Variants in PAFAH1B2 observed in about 807,000 individuals in gnomAD.
PAFAH1B2 encodes platelet activating factor acetylhydrolase 1b catalytic subunit 2.
A neutral mutation model predicts 28.0 loss-of-function variants in PAFAH1B2; 8 were observed. The observed-to-expected ratio is 0.29, with a 90% CI of 0.17 to 0.52. PAFAH1B2 has a LOEUF of 0.52. PAFAH1B2 is among the 20% of genes least tolerant of loss of function. The probability of loss-of-function intolerance (pLI) is 0.97; values close to 1 mark genes in which losing one functional copy is unlikely to be tolerated. For missense variants in PAFAH1B2, 190 were observed against 282.6 expected (o/e 0.67, Z 2.35); for synonymous variants, 104 against 103.2 (o/e 1.01, Z -0.05).
downstream of PAFAH1B2, chr11:117,171,791 T>TA: frequency 6.9e-7 from 1 of 1,447,398 alleles, no homozygotes; most frequent in Non-Finnish European, 9.4e-7. Context: ...GCTAAAAGTT[T>TA]CTGTGATCTT....
chr11:117,151,041 A>G (rs1333001618), intron 1 of PAFAH1B2, among the ~76,000 whole-genome samples: 1 of 151,300 alleles, frequency 6.6e-6, no homozygotes, highest in Non-Finnish European at 1.5e-5. Context: ...AAAACCCCAG[A>G]TTTTTTTCCT....
chr11:117,157,754 C>T (rs905468553), intron 2 of PAFAH1B2, among the ~76,000 whole-genome samples: 1 of 151,966 alleles, frequency 6.6e-6, no homozygotes, highest in African/African-American at 2.4e-5. Context: ...AGTGAGACCC[C>T]ATCTTTGGGA....
rs1470650879 is a variant in PAFAH1B2, at chr11:117,163,722, T to TATTTA, written c.289-48_289-47insATTTA. 3.8e-6 allele frequency: 6 copies of TATTTA among 1,588,122 alleles called. No individual in the cohort carries two copies. In the African/African-American group the frequency reaches 5.4e-5, roughly 14 times the overall value. On this transcript the variant is annotated intron_variant, in intron 4 of 5. Coordinates refer to ENST00000527958, the MANE Select transcript of PAFAH1B2 (RefSeq NM_002572.4). ...CATCTAAATGTTGGACGTTCCTTTG[T>TATTTA]TCCTGGGTATTTATCTTCTCCTTCC...
At position 117,162,914 on chromosome 11, in the gene PAFAH1B2, ACTC is replaced by A. The variant is rs199541603; in HGVS notation, c.289-853_289-851del. 6.4e-3 allele frequency among the ~76,000 whole-genome samples: 967 copies of A among 151,824 alleles called. 6 individuals carry two copies. Among genetic ancestry groups the A allele is most frequent in the African/African-American group, 0.022 (906 of 41,380 alleles). The stretch of plus-strand genomic sequence containing the variant: ...GATCATGGCTTACTTGCAGTCTTGA[ACTC>A]CTGGGCTGAATCAATCTTCCCACCT... On this transcript the variant is annotated intron_variant, in intron 4 of 5. Transcript: ENST00000527958.
chr11:117,168,991 A>C lies in PAFAH1B2; in HGVS notation c.*1292A>C. Reference sequence around the variant, plus strand: ...TTTTTATTAGAGACGGGATTTCGCCATGTTAACCAGGCTGGTCTCGAACTC... The same window carrying C: ...TTTTTATTAGAGACGGGATTTCGCCCTGTTAACCAGGCTGGTCTCGAACTC... On this transcript the variant is annotated 3_prime_UTR_variant, in exon 6 of 6. Transcript: ENST00000527958. 2.7e-6 allele frequency: 1 copy of C among 370,044 alleles called. No homozygotes were observed. The highest frequency in any genetic ancestry group is 2.2e-5 in the African/African-American group (1 of 46,028). 22.9% of individuals were successfully genotyped at this position (370,044 alleles called of 1,614,324 possible).
intron 2 of PAFAH1B2, among the ~76,000 whole-genome samples, chr11:117,154,480 C>T (rs1956220068): frequency 6.6e-6 from 1 of 151,952 alleles, no homozygotes; most frequent in Non-Finnish European, 1.5e-5. Flanking sequence ...TGCAGTGGCA[C>T]CATTACAGCT....
At position 117,169,299 on chromosome 11, in the gene PAFAH1B2, A is replaced by T. The variant is rs1271611564; in HGVS notation, c.*1600A>T. On this transcript the variant is annotated 3_prime_UTR_variant, in exon 6 of 6. Coordinates refer to ENST00000527958, the MANE Select transcript of PAFAH1B2 (RefSeq NM_002572.4). ...TTCGAGCTATATAAGAACTGCCATTAAAAAAAATGGGATAATAGATGATTT... is the reference window on the plus strand; with the variant it reads ...TTCGAGCTATATAAGAACTGCCATTTAAAAAAATGGGATAATAGATGATTT... 9.8e-6 allele frequency: 10 copies of T among 1,021,574 alleles called. No individual in the cohort carries two copies. Among genetic ancestry groups the T allele is most frequent in the Non-Finnish European group, 1.2e-5 (10 of 850,446 alleles). The allele number at this position is 1,021,574 out of a possible 1,614,324, so 63.3% of individuals were successfully genotyped here.
At chr11:117,176,113 T>C (rs953509613) in exon 6 of PAFAH1B2, 1 of 619,064 alleles carries the variant, frequency 1.6e-6, no homozygotes. Context: ...AACTTGAGTC[T>C]AGTGAGGTAC....
downstream of PAFAH1B2, chr11:117,174,960 C>G: frequency 1.3e-6 from 2 of 1,500,244 alleles, no homozygotes; most frequent in Admixed American, 4.4e-5. Flanking sequence ...CTGAAGCTTC[C>G]TCCCTGTCCT....
At chr11:117,171,890 A>C, downstream of PAFAH1B2, 1 of 654,538 alleles carries the variant, frequency 1.5e-6, no homozygotes. Context: ...TTTGGAGGTA[A>C]ATTGAGACAT....
At chr11:117,159,658 C>A in intron 2 of PAFAH1B2, 1 of 327,002 alleles carries the variant, frequency 3.1e-6, no homozygotes, top group East Asian at 5.1e-5. Context: ...TGACTTGAGC[C>A]CCTGAAGCAG....
At chr11:117,144,997 T>TC in intron 1 of PAFAH1B2, among the ~76,000 whole-genome samples, 1 of 152,300 alleles carries the variant, frequency 6.6e-6, no homozygotes, top group South Asian at 2.1e-4. Context: ...TTTAGAAACT[T>TC]CTCCGTTGCC....
chr11:117,168,746 TA>T lies in PAFAH1B2; in HGVS notation c.*1049del. On this transcript the variant is annotated 3_prime_UTR_variant, in exon 6 of 6. Transcript: ENST00000527958. ...GCACCTGACATTATTTCAAGTTTTATAATATCTTAAGGTGTATATTTTATTT... is the reference window on the plus strand; with the variant it reads ...GCACCTGACATTATTTCAAGTTTTATATATCTTAAGGTGTATATTTTATTT... The T allele has an allele frequency of 9.6e-7, 1 of 1,040,658 alleles. No homozygotes were observed. Among genetic ancestry groups the T allele is most frequent in the Non-Finnish European group, 1.2e-6 (1 of 859,380 alleles). 64.5% of individuals were successfully genotyped at this position (1,040,658 alleles called of 1,614,324 possible). A position where few individuals can be genotyped will look rare whatever the true frequency, so the allele number is the denominator to read the frequency against.
In PAFAH1B2 at chr11:117,167,928, A is replaced by T. The variant is rs1956549586; in HGVS notation, c.*229A>T. The T allele has an allele frequency of 1.2e-5, 14 of 1,160,094 alleles. No individual in the cohort carries two copies. Among genetic ancestry groups the T allele is most frequent in the Non-Finnish European group, 1.5e-5 (14 of 941,976 alleles). 71.9% of individuals were successfully genotyped at this position (1,160,094 alleles called of 1,614,324 possible). A position where few individuals can be genotyped will look rare whatever the true frequency, so the allele number is the denominator to read the frequency against. ...AAGATTGTTGTTTAAATTCATTTGA[A>T]ACCAGAAGGGGACTTTTTAGTTGTA... On this transcript the variant is annotated 3_prime_UTR_variant, in exon 6 of 6. Coordinates refer to ENST00000527958, the MANE Select transcript of PAFAH1B2 (RefSeq NM_002572.4).
chr11:117,165,811 A>C (rs1368116370), intron 5 of PAFAH1B2, among the ~76,000 whole-genome samples: 2 of 151,406 alleles, frequency 1.3e-5, no homozygotes, highest in East Asian at 1.9e-4. Flanking sequence ...TAGGAGAAGG[A>C]GGCCACAACC....
chr11:117,151,709 T>G (rs1425058344), intron 1 of PAFAH1B2, among the ~76,000 whole-genome samples: 1 of 148,680 alleles, frequency 6.7e-6, no homozygotes, highest in Admixed American at 6.8e-5. Context: ...TCTGTAAGTG[T>G]TTTTTTTTTG....
intron 1 of PAFAH1B2, among the ~76,000 whole-genome samples, chr11:117,146,410 C>A (rs1156333236): frequency 6.6e-6 from 1 of 152,076 alleles, no homozygotes; most frequent in Non-Finnish European, 1.5e-5. Flanking sequence ...TTGCGTCTTA[C>A]CACTGGGTAG....
chr11:117,148,753 C>G lies in PAFAH1B2; in HGVS notation c.-7-3688C>G, dbSNP rs574666471. ...GCCTGGACAACATAGTGAGACCCTT[C>G]TCTTATAATAATAAAGAGATCGTAT... On this transcript the variant is annotated intron_variant, in intron 1 of 5. Coordinates refer to ENST00000527958, the MANE Select transcript of PAFAH1B2 (RefSeq NM_002572.4). Among the ~76,000 whole-genome samples, 12 of 152,200 alleles carry G rather than the reference C, an allele frequency of 7.9e-5. No homozygotes were observed. In the South Asian group the frequency reaches 2.5e-3, roughly 32 times the overall value.
At chr11:117,145,007 C>G (rs568831250) in intron 1 of PAFAH1B2, among the ~76,000 whole-genome samples, 1 of 152,238 alleles carries the variant, frequency 6.6e-6, no homozygotes, top group Non-Finnish European at 1.5e-5. Flanking sequence ...TCTCCGTTGC[C>G]TCTTAGGATG....
Sources: gnomAD v4.1 joint callset for allele counts (sites outside exome capture counted in the v4.1 genomes callset) on GRCh38, gnomAD v4.1.1 for gene constraint, MANE v1.5 for transcripts, NCBI Gene and HGNC (gene_info 2026-07-23, HGNC 2026-07-21) for gene names.